The following GPC6 variants were observed in gnomAD, a reference collection of about 807,000 sequenced individuals.
The protein encoded by GPC6 is glypican-6.
In GPC6, 14 loss-of-function variants were observed where a neutral mutation model predicts 55.2. The observed-to-expected ratio is 0.25, with a 90% CI of 0.17 to 0.40. GPC6 has a LOEUF of 0.40. Ranked by LOEUF, GPC6 falls within the 10% of genes least tolerant of loss-of-function variation. The probability of loss-of-function intolerance (pLI) is 1.00; values close to 1 mark genes in which losing one functional copy is unlikely to be tolerated. For missense variants in GPC6, 641 were observed against 708.5 expected (o/e 0.90, Z 1.08); for synonymous variants, 278 against 259.6 (o/e 1.07, Z -0.68).
intron 4 of GPC6, among the ~76,000 whole-genome samples, chr13:94,214,710 T>C (rs537686363): frequency 7.9e-5 from 12 of 152,288 alleles, no homozygotes; most frequent in African/African-American, 2.6e-4. Flanking sequence ...TATCAATAGT[T>C]GAATATATAA....
intron 3 of GPC6, among the ~76,000 whole-genome samples, chr13:93,886,724 T>C (rs897840322): frequency 2.0e-5 from 3 of 151,162 alleles, no homozygotes; most frequent in African/African-American, 7.3e-5. Flanking sequence ...TTGATGTCCA[T>C]ACATTGCCAT....
chr13:94,159,948 A>G (rs1888095783), intron 4 of GPC6, among the ~76,000 whole-genome samples: 1 of 152,104 alleles, frequency 6.6e-6, no homozygotes, highest in Non-Finnish European at 1.5e-5. Flanking sequence ...TAGCCTACCC[A>G]TTTTGGTGCT....
At chr13:94,097,269 G>A (rs1020301460) in intron 4 of GPC6, among the ~76,000 whole-genome samples, 1 of 152,058 alleles carries the variant, frequency 6.6e-6, no homozygotes, top group Non-Finnish European at 1.5e-5. Context: ...TTGGGAGGCC[G>A]AGGCGGGTGG....
chr13:93,871,650 A>C (rs938444800), intron 3 of GPC6, among the ~76,000 whole-genome samples: 6 of 151,988 alleles, frequency 3.9e-5, no homozygotes, highest in African/African-American at 1.4e-4. Context: ...GTTAAAGCAC[A>C]TCTTCAGTGA....
rs996156179 is a variant in GPC6, at chr13:93,311,317, A to G, written c.160+83701A>G. Among the ~76,000 whole-genome samples the G allele has an allele frequency of 7.9e-5, 12 of 152,274 alleles. 1 individual carries two copies. Among genetic ancestry groups the G allele is most frequent in the Non-Finnish European group, 1.3e-4 (9 of 68,012 alleles). Reference sequence around the variant, plus strand: ...GTGGGAGCACACAGAAGAAACTAACATTTCCTTTCATGTGATGACCCTTGA... The same window carrying G: ...GTGGGAGCACACAGAAGAAACTAACGTTTCCTTTCATGTGATGACCCTTGA... On this transcript the variant is annotated intron_variant, in intron 1 of 8. Transcript: ENST00000377047.
intron 2 of GPC6, among the ~76,000 whole-genome samples, chr13:93,787,183 C>T (rs1256451737): frequency 6.6e-6 from 1 of 152,176 alleles, no homozygotes; most frequent in African/African-American, 2.4e-5. Flanking sequence ...TGCCATTTAC[C>T]TAAACCATGA....
intron 2 of GPC6, among the ~76,000 whole-genome samples, chr13:93,827,112 C>T (rs1887293100): frequency 1.3e-5 from 2 of 152,304 alleles, no homozygotes; most frequent in South Asian, 2.1e-4. Context: ...GCATTTCTTT[C>T]TGCCAAACTG....
chr13:94,274,998 A>G (rs1386546088), intron 4 of GPC6, among the ~76,000 whole-genome samples: 1 of 152,192 alleles, frequency 6.6e-6, no homozygotes, highest in Non-Finnish European at 1.5e-5. Flanking sequence ...TCATGGCAGG[A>G]GAGTAGGGAG....
At chr13:94,337,726 G>A (rs558661598) in intron 6 of GPC6, among the ~76,000 whole-genome samples, 1 of 152,146 alleles carries the variant, frequency 6.6e-6, no homozygotes, top group Non-Finnish European at 1.5e-5. Context: ...GGGATTACAG[G>A]CGTAATTCAT....
At chr13:93,293,899 A>G (rs1033423755) in intron 1 of GPC6, among the ~76,000 whole-genome samples, 2 of 152,152 alleles carry the variant, frequency 1.3e-5, no homozygotes, top group Admixed American at 6.5e-5. Flanking sequence ...CAACCTCTTT[A>G]TACAGCTGTG....
intron 3 of GPC6, among the ~76,000 whole-genome samples, chr13:93,966,904 C>G (rs1247806232): frequency 6.6e-6 from 1 of 152,094 alleles, no homozygotes; most frequent in Non-Finnish European, 1.5e-5. Context: ...ATTCTCCTGC[C>G]TAGACCTTTC....
At chr13:94,160,279 G>C (rs1402615328) in intron 4 of GPC6, among the ~76,000 whole-genome samples, 2 of 152,138 alleles carry the variant, frequency 1.3e-5, no homozygotes, top group African/African-American at 4.8e-5. Flanking sequence ...AGTATACATA[G>C]GGTTTGGTGC....
chr13:93,456,418 CAAGT>C (rs970602857), intron 1 of GPC6, among the ~76,000 whole-genome samples: 45 of 152,060 alleles, frequency 3.0e-4, no homozygotes, highest in African/African-American at 1.1e-3. Flanking sequence ...TTTTAAATGA[CAAGT>C]AGGTAATTTC....
chr13:94,091,754 T>C (rs1885484852), intron 4 of GPC6, among the ~76,000 whole-genome samples: 1 of 152,040 alleles, frequency 6.6e-6, no homozygotes, highest in Non-Finnish European at 1.5e-5. Flanking sequence ...CCAGAAGATA[T>C]GGGTGTCTGG....
intron 5 of GPC6, among the ~76,000 whole-genome samples, chr13:94,304,132 A>G (rs1875815629): frequency 6.6e-6 from 1 of 152,246 alleles, no homozygotes; most frequent in South Asian, 2.1e-4. Flanking sequence ...ACTACGGAGA[A>G]AAGGGCCCAC....
chr13:93,243,042 G>C (rs2139017780), intron 1 of GPC6, among the ~76,000 whole-genome samples: 1 of 152,328 alleles, frequency 6.6e-6, no homozygotes. Flanking sequence ...CCCTGTTCGA[G>C]ATGGTAGCCC....
chr13:93,380,451 T>A (rs889665997), intron 1 of GPC6, among the ~76,000 whole-genome samples: 1 of 152,126 alleles, frequency 6.6e-6, no homozygotes, highest in Non-Finnish European at 1.5e-5. Flanking sequence ...CATCCCAGGG[T>A]GATGCGTAAA....
At chr13:93,823,620 G>C (rs1266174854) in intron 2 of GPC6, among the ~76,000 whole-genome samples, 3 of 152,042 alleles carry the variant, frequency 2.0e-5, no homozygotes, top group African/African-American at 7.2e-5. Flanking sequence ...GTTAAAGTTT[G>C]GTATCTTTAC....
intron 1 of GPC6, among the ~76,000 whole-genome samples, chr13:93,503,476 C>A (rs185614703): frequency 6.6e-6 from 1 of 152,276 alleles, no homozygotes; most frequent in Admixed American, 6.5e-5. Flanking sequence ...ATGTAAACAC[C>A]ATTTTTAGCT....
Sources: gnomAD v4.1 joint callset for allele counts (sites outside exome capture counted in the v4.1 genomes callset) on GRCh38, gnomAD v4.1.1 for gene constraint, MANE v1.5 for transcripts, NCBI Gene and HGNC (gene_info 2026-07-23, HGNC 2026-07-21) for gene names.